Variants in SPSB4 observed in about 807,000 individuals in gnomAD.
SPSB4 encodes SPRY domain-containing SOCS box protein 4.
In SPSB4, 21 loss-of-function variants were observed where a neutral mutation model predicts 20.9. The observed-to-expected ratio is 1.01, with a 90% CI of 0.71 to 1.45. SPSB4 has a LOEUF of 1.45. SPSB4 is among the 40% of genes most tolerant of loss of function. The probability of loss-of-function intolerance (pLI) is 0.00; values close to 1 mark genes in which losing one functional copy is unlikely to be tolerated. For missense variants in SPSB4, 399 were observed against 399.2 expected (o/e 1.00, Z 0.00); for synonymous variants, 207 against 183.8 (o/e 1.13, Z -1.02).
At chr3:141,082,811 C>T (rs749590472) in intron 2 of SPSB4, among the ~76,000 whole-genome samples, 2 of 152,340 alleles carry the variant, frequency 1.3e-5, no homozygotes, top group African/African-American at 2.4e-5. Flanking sequence ...AGGCTCAAAG[C>T]GTCCCTTTCA....
At chr3:141,084,280 C>T (rs949382849) in intron 2 of SPSB4, among the ~76,000 whole-genome samples, 1 of 152,150 alleles carries the variant, frequency 6.6e-6, no homozygotes, top group Non-Finnish European at 1.5e-5. Flanking sequence ...GCTTGCTCAG[C>T]CTCTGAAGGG....
chr3:141,145,146 T>G (rs1939392974), intron 2 of SPSB4, among the ~76,000 whole-genome samples: 2 of 151,946 alleles, frequency 1.3e-5, no homozygotes, highest in African/African-American at 2.4e-5. Flanking sequence ...GTCTCCATAT[T>G]TGACTATTCT....
intron 2 of SPSB4, among the ~76,000 whole-genome samples, chr3:141,134,030 C>CTTTTTTTTTTTTTTTTTTTTTTTTTT (rs1207127072): frequency 5.3e-5 from 2 of 37,772 alleles, no homozygotes; most frequent in Non-Finnish European, 5.4e-5. Context: ...TTTTTTTTTT[C>CTTTTTTTTTTTTTTTTTTTTTTTTTT]TTTTCTTTTT....
intron 2 of SPSB4, among the ~76,000 whole-genome samples, chr3:141,087,541 T>C (rs1403219845): frequency 1.3e-5 from 2 of 152,218 alleles, no homozygotes; most frequent in African/African-American, 4.8e-5. Context: ...CGTCAGGCAC[T>C]GTGGCAGCTG....
At chr3:141,083,862 C>T (rs771621144) in intron 2 of SPSB4, among the ~76,000 whole-genome samples, 6 of 151,986 alleles carry the variant, frequency 3.9e-5, no homozygotes, top group South Asian at 2.1e-4. Flanking sequence ...TGAGACTCCT[C>T]GTTTGACTCT....
intron 1 of SPSB4, among the ~76,000 whole-genome samples, chr3:141,061,330 T>C (rs1937756479): frequency 6.6e-6 from 1 of 152,140 alleles, no homozygotes; most frequent in Non-Finnish European, 1.5e-5. Context: ...TGACAATGTT[T>C]ATATCTGGTT....
intron 2 of SPSB4, among the ~76,000 whole-genome samples, chr3:141,140,250 A>C (rs1939302419): frequency 6.6e-6 from 1 of 151,850 alleles, no homozygotes; most frequent in Admixed American, 6.6e-5. Context: ...TTTTTTTCAA[A>C]GTTTTTAACT....
chr3:141,135,282 A>C (rs1421412868), intron 2 of SPSB4, among the ~76,000 whole-genome samples: 1 of 151,684 alleles, frequency 6.6e-6, no homozygotes, highest in African/African-American at 2.4e-5. Flanking sequence ...GTATTAATAT[A>C]CCGTAATTTA....
At chr3:141,090,306 C>T (rs1200869822) in intron 2 of SPSB4, among the ~76,000 whole-genome samples, 1 of 152,218 alleles carries the variant, frequency 6.6e-6, no homozygotes, top group African/African-American at 2.4e-5. Flanking sequence ...ACAAAAGTCT[C>T]TGTCCTCATG....
chr3:141,106,076 G>T (rs1314090690), intron 2 of SPSB4, among the ~76,000 whole-genome samples: 2 of 152,224 alleles, frequency 1.3e-5, no homozygotes, highest in African/African-American at 4.8e-5. Flanking sequence ...GTTCTAGTCT[G>T]TGCTCTGCCC....
intron 2 of SPSB4, 35 bp from the exon 3 acceptor site, chr3:141,147,107 C>A (rs1256047318): frequency 6.2e-7 from 1 of 1,611,604 alleles, no homozygotes; most frequent in Admixed American, 1.7e-5. Flanking sequence ...CAGGATGGCA[C>A]AGGGCACACT....
chr3:141,148,448 C>T lies in SPSB4; in HGVS notation c.*1179C>T, dbSNP rs1939454151. ...TGCCACCTCTTATATGTTTCAGACA[C>T]TCTCTGCCCAGACTCATTTTTAACT... On this transcript the variant is annotated 3_prime_UTR_variant, in exon 3 of 3. Coordinates refer to ENST00000310546, the MANE Select transcript of SPSB4 (RefSeq NM_080862.3). The surrounding 1 kb of genome is among the most constrained non-coding windows in gnomAD (Gnocchi z 4.5). 1 of 152,936 alleles carries T rather than the reference C, an allele frequency of 6.5e-6. No homozygotes were observed. Among genetic ancestry groups the T allele is most frequent in the Non-Finnish European group, 1.5e-5 (1 of 68,242 alleles). The allele number at this position is 152,936 out of a possible 1,614,324, so 9.5% of individuals were successfully genotyped here.
At chr3:141,075,346 C>T (rs1483481981) in intron 2 of SPSB4, among the ~76,000 whole-genome samples, 2 of 152,060 alleles carry the variant, frequency 1.3e-5, no homozygotes, top group African/African-American at 4.8e-5. Context: ...CTGTCCTGGC[C>T]GCCGCTCAGA....
chr3:141,134,049 C>CTTTTTTTTTTTTTTTTTTTTTT (rs1939184001), intron 2 of SPSB4, among the ~76,000 whole-genome samples: 17 of 63,894 alleles, frequency 2.7e-4, no homozygotes, highest in South Asian at 5.0e-4. Context: ...TTTTTTTTTT[C>CTTTTTTTTTTTTTTTTTTTTTT]TTTTTTCTTT....
rs553967107 is a variant in SPSB4, at chr3:141,141,612, A to C, written c.695-5530A>C. Among the ~76,000 whole-genome samples, 130 of 152,346 alleles carry C rather than the reference A, an allele frequency of 8.5e-4. 2 individuals are homozygous for C. Among genetic ancestry groups the C allele is most frequent in the African/African-American group, 3.1e-3 (127 of 41,588 alleles). On this transcript the variant is annotated intron_variant, in intron 2 of 2. Transcript: ENST00000310546. ...AGCAACAGCAGTGGAATAGTTTCGG[A>C]AAGATTAGTACCAATTCTTCTTTGA... is the stretch of plus-strand genomic sequence containing the variant.
chr3:141,084,093 G>T (rs569630394), intron 2 of SPSB4, among the ~76,000 whole-genome samples: 2 of 152,172 alleles, frequency 1.3e-5, no homozygotes, highest in African/African-American at 4.8e-5. Flanking sequence ...GCCCGGCGTC[G>T]CTGGGTAGAG....
At chr3:141,121,450 T>C (rs1938965160) in intron 2 of SPSB4, among the ~76,000 whole-genome samples, 1 of 152,210 alleles carries the variant, frequency 6.6e-6, no homozygotes, top group Admixed American at 6.5e-5. Flanking sequence ...TGAATTTGAA[T>C]GTTGGCCTGC....
chr3:141,120,045 G>T (rs1235558636), intron 2 of SPSB4, among the ~76,000 whole-genome samples: 1 of 151,976 alleles, frequency 6.6e-6, no homozygotes, highest in Non-Finnish European at 1.5e-5. Context: ...TCCTCTTGTG[G>T]GCATTTAGTG....
intron 2 of SPSB4, among the ~76,000 whole-genome samples, chr3:141,069,327 T>G (rs1015562130): frequency 2.6e-5 from 4 of 152,168 alleles, no homozygotes; most frequent in Admixed American, 2.6e-4. Context: ...AGGGACTGTG[T>G]GATGCCTATA....
Sources: gnomAD v4.1 joint callset for allele counts (sites outside exome capture counted in the v4.1 genomes callset) on GRCh38, gnomAD v4.1.1 for gene constraint, Gnocchi (gnomAD v3.1) non-coding constraint, MANE v1.5 for transcripts, NCBI Gene and HGNC (gene_info 2026-07-23, HGNC 2026-07-21) for gene names.